Variants in CSTF3 observed in about 807,000 individuals in gnomAD.
CSTF3 encodes the protein CF-1 77 kDa subunit.
A neutral mutation model predicts 105.8 loss-of-function variants in CSTF3; 29 were observed. The ratio of observed to expected loss-of-function variants is 0.27; its 90% CI spans 0.20 to 0.37. CSTF3 has a LOEUF of 0.37. CSTF3 is among the 10% of genes least tolerant of loss of function. The pLI is 1.00. For missense variants in CSTF3, 357 were observed against 879.3 expected (o/e 0.41, Z 7.51); for synonymous variants, 252 against 281.9 (o/e 0.89, Z 1.06).
intron 3 of CSTF3, among the ~76,000 whole-genome samples, chr11:33,109,842 C>A (rs780508508): frequency 2.0e-5 from 3 of 152,062 alleles, no homozygotes; most frequent in Non-Finnish European, 2.9e-5. Flanking sequence ...AGTTAGATCT[C>A]CTGGTTCTGT....
At chr11:33,147,306 A>C (rs1201599023) in intron 1 of CSTF3, among the ~76,000 whole-genome samples, 1 of 150,912 alleles carries the variant, frequency 6.6e-6, no homozygotes, top group Admixed American at 6.6e-5. Context: ...AAAAAAAAAG[A>C]AAGAAAGAGG....
chr11:33,107,875 G>T, intron 5 of CSTF3, 28 bp downstream of exon 5: 1 of 1,346,470 alleles, frequency 7.4e-7, no homozygotes. Flanking sequence ...GAGATGACTT[G>T]CATTCTTAAG....
chr11:33,122,346 A>G (rs939605869), intron 3 of CSTF3, among the ~76,000 whole-genome samples: 2 of 152,172 alleles, frequency 1.3e-5, no homozygotes, highest in Non-Finnish European at 2.9e-5. Context: ...ATTATTCTCT[A>G]TATACATGAC....
intron 17 of CSTF3, among the ~76,000 whole-genome samples, chr11:33,088,590 C>A (rs113053921): frequency 1.6e-4 from 24 of 150,354 alleles, no homozygotes; most frequent in African/African-American, 5.6e-4. Flanking sequence ...ACTATAAGAT[C>A]TTTCTTTTCT....
At chr11:33,159,674 G>T (rs556588411) in intron 1 of CSTF3, among the ~76,000 whole-genome samples, 1 of 151,604 alleles carries the variant, frequency 6.6e-6, no homozygotes, top group South Asian at 2.1e-4. Context: ...GGAGGAGGCT[G>T]AGGTGGCAGG....
chr11:33,111,428 T>C (rs1855378182), intron 3 of CSTF3, among the ~76,000 whole-genome samples: 1 of 152,104 alleles, frequency 6.6e-6, no homozygotes, highest in Admixed American at 6.5e-5. Flanking sequence ...CACAAGATCT[T>C]ATTGAATGAA....
chr11:33,095,964 TTTTG>T (rs60165214), intron 15 of CSTF3, among the ~76,000 whole-genome samples: 7 of 151,708 alleles, frequency 4.6e-5, no homozygotes, highest in Admixed American at 2.0e-4. Flanking sequence ...CTAGAGGGTT[TTTTG>T]TTTGTTTGTT....
At chr11:33,144,886 G>T in intron 1 of CSTF3, 1 of 252,420 alleles carries the variant, frequency 4.0e-6, no homozygotes, top group Non-Finnish European at 8.1e-6. Flanking sequence ...AGCTGCGGTG[G>T]GATCGCTTGA....
intron 1 of CSTF3, among the ~76,000 whole-genome samples, chr11:33,142,253 TTTTA>T (rs931676799): frequency 2.0e-5 from 3 of 152,184 alleles, no homozygotes; most frequent in African/African-American, 7.2e-5. Context: ...CGTACAGCCT[TTTTA>T]TTTATCATTA....
At chr11:33,122,969 G>C (rs910420754) in intron 3 of CSTF3, among the ~76,000 whole-genome samples, 1 of 148,230 alleles carries the variant, frequency 6.7e-6, no homozygotes, top group Non-Finnish European at 1.5e-5. Flanking sequence ...ATGTAAAACA[G>C]GTCAGTAAGA....
At chr11:33,086,524 G>A (rs142786769) in intron 18 of CSTF3, among the ~76,000 whole-genome samples, 286 of 151,338 alleles carry the variant, frequency 1.9e-3, no homozygotes, top group African/African-American at 6.0e-3. Flanking sequence ...TGCAACCTCC[G>A]CCTCCCGGGT....
At chr11:33,151,537 C>T (rs1855859683) in intron 1 of CSTF3, among the ~76,000 whole-genome samples, 1 of 152,182 alleles carries the variant, frequency 6.6e-6, no homozygotes, top group Non-Finnish European at 1.5e-5. Flanking sequence ...TTTGCATATA[C>T]TAAGTACTTT....
At chr11:33,145,019 T>C (rs1329015138) in intron 1 of CSTF3, 1 of 150,420 alleles carries the variant, frequency 6.6e-6, no homozygotes, top group African/African-American at 2.4e-5. Context: ...ACATGGTAAG[T>C]TAAAATTTGC....
intron 8 of CSTF3, among the ~76,000 whole-genome samples, chr11:33,103,864 T>TC (rs1197117727): frequency 2.6e-5 from 4 of 152,156 alleles, no homozygotes; most frequent in African/African-American, 9.7e-5. Context: ...AACAGAGTCT[T>TC]CCTCTGTCAC....
chr11:33,098,889 T>G, intron 12 of CSTF3, 125 bp from the exon 13 acceptor site: 2 of 1,331,074 alleles, frequency 1.5e-6, no homozygotes, highest in Non-Finnish European at 2.0e-6. Flanking sequence ...ATAAATATAG[T>G]ATAAGCTGAC....
At chr11:33,094,974 C>T (rs1855203842) in intron 15 of CSTF3, among the ~76,000 whole-genome samples, 1 of 152,180 alleles carries the variant, frequency 6.6e-6, no homozygotes, top group Non-Finnish European at 1.5e-5. Flanking sequence ...TCTCGGCTCA[C>T]CGCAGCCTCC....
At chr11:33,108,249 A>G in intron 4 of CSTF3, 137 bp downstream of exon 4, 2 of 906,522 alleles carry the variant, frequency 2.2e-6, no homozygotes, top group Non-Finnish European at 1.5e-6. Context: ...CATATAAAAA[A>G]GCTGAATAAG....
Position 33,096,306 on chromosome 11 carries a change from C to A in CSTF3, c.1375G>T (p.Glu459Ter). The A allele has an allele frequency of 6.5e-7, 1 of 1,532,902 alleles. No individual in the cohort carries two copies. The highest frequency in any genetic ancestry group is 2.3e-5 in the Admixed American group (1 of 43,084). The allele number at this position is 1,532,902 out of a possible 1,614,324, so 95.0% of individuals were successfully genotyped here. ...AYIDYLSHLNEDNNTRVLFER... is the reference protein window; with the variant it reads ...AYIDYLSHLN ...ATTATAGATTCTAGAATCAACCTACCATTGAGGTGAGAAAGATAGTCAATA... is the reference window on the plus strand; with the variant it reads ...ATTATAGATTCTAGAATCAACCTACAATTGAGGTGAGAAAGATAGTCAATA... Residue 459 changes from glutamate (E) to a stop codon, truncating the protein, a stop_gained and splice_region_variant, in exon 15 of 21, where the codon GAG becomes TAG. Transcript: ENST00000323959. LOFTEE classifies it high-confidence loss of function.
intron 15 of CSTF3, among the ~76,000 whole-genome samples, chr11:33,094,098 T>C (rs1855195836): frequency 6.6e-6 from 1 of 152,240 alleles, no homozygotes; most frequent in South Asian, 2.1e-4. Flanking sequence ...TATACTCTCT[T>C]CTCTGTGCTT....
Sources: gnomAD v4.1 joint callset for allele counts (sites outside exome capture counted in the v4.1 genomes callset) on GRCh38, gnomAD v4.1.1 for gene constraint, MANE v1.5 for transcripts, NCBI Gene and HGNC (gene_info 2026-07-23, HGNC 2026-07-21) for gene names.